Variants in MAST4 observed in about 807,000 individuals in gnomAD.
MAST4 encodes the protein microtubule-associated serine/threonine-protein kinase 4.
Under a neutral mutation model 162.7 loss-of-function variants are expected in MAST4, and 89 were observed. The ratio of observed to expected loss-of-function variants is 0.55; its 90% confidence interval spans 0.46 to 0.65. MAST4 has a LOEUF of 0.65. MAST4 is among the 30% of genes least tolerant of loss of function. The pLI is 0.00. For missense variants in MAST4, 3,153 were observed against 3,374.0 expected (o/e 0.93, Z 1.62); for synonymous variants, 1,479 against 1,361.1 (o/e 1.09, Z -1.91).
At chr5:66,675,435 T>A (rs1383062619) in intron 1 of MAST4, among the ~76,000 whole-genome samples, 3 of 152,222 alleles carry the variant, frequency 2.0e-5, no homozygotes, top group Non-Finnish European at 4.4e-5. Flanking sequence ...AAATTCATCC[T>A]TTTTGATAGG....
At chr5:67,109,033 G>C (rs1028780244) in intron 10 of MAST4, among the ~76,000 whole-genome samples, 1 of 151,982 alleles carries the variant, frequency 6.6e-6, no homozygotes, top group African/African-American at 2.4e-5. Context: ...TGCCTATCTT[G>C]ATACAGATTC....
chr5:66,718,222 A>G (rs73112453), intron 1 of MAST4, among the ~76,000 whole-genome samples: 2,122 of 151,048 alleles, frequency 0.014, 51 homozygotes, highest in African/African-American at 0.048. Flanking sequence ...GCATAAGCAA[A>G]TGAGAGGGAC....
chr5:67,133,667 G>T (rs1470500741), intron 17 of MAST4, 21 bp downstream of exon 17: 1 of 1,611,648 alleles, frequency 6.2e-7, no homozygotes. Context: ...GTGCCATTTA[G>T]TTTATTGAGA....
chr5:67,130,490 T>C (rs1303248342), intron 15 of MAST4, 72 bp downstream of exon 15: 1 of 1,487,214 alleles, frequency 6.7e-7, no homozygotes, highest in Non-Finnish European at 9.2e-7. Flanking sequence ...AAGCTGTCTG[T>C]ATTTGTGCCA....
intron 5 of MAST4, among the ~76,000 whole-genome samples, chr5:67,062,850 A>G (rs1759790523): frequency 6.6e-6 from 1 of 152,172 alleles, no homozygotes; most frequent in Non-Finnish European, 1.5e-5. Context: ...ATCAACTTGT[A>G]AAACCTTATC....
At chr5:66,909,212 C>G (rs1763582960) in intron 4 of MAST4, among the ~76,000 whole-genome samples, 3 of 152,094 alleles carry the variant, frequency 2.0e-5, no homozygotes, top group Non-Finnish European at 2.9e-5. Context: ...AGATCTTTCA[C>G]TTGTACCCTG....
intron 1 of MAST4, among the ~76,000 whole-genome samples, chr5:66,623,409 A>T (rs920360292): frequency 2.6e-5 from 4 of 152,212 alleles, no homozygotes; most frequent in African/African-American, 7.2e-5. Flanking sequence ...ACTAGCAAAT[A>T]TCATTCAGTA....
At chr5:66,852,547 C>T (rs776720287) in intron 3 of MAST4, among the ~76,000 whole-genome samples, 21 of 152,188 alleles carry the variant, frequency 1.4e-4, no homozygotes, top group Admixed American at 3.3e-4. Context: ...ATCTGTATCT[C>T]CTTGGCTTCA....
intron 3 of MAST4, among the ~76,000 whole-genome samples, chr5:66,847,545 G>C (rs1284026895): frequency 6.6e-6 from 1 of 152,144 alleles, no homozygotes; most frequent in Non-Finnish European, 1.5e-5. Context: ...GAGGCAGGGA[G>C]AATTGCTTGA....
intron 3 of MAST4, among the ~76,000 whole-genome samples, chr5:66,880,122 G>T (rs988031697): frequency 2.0e-5 from 3 of 152,164 alleles, no homozygotes; most frequent in Admixed American, 1.3e-4. Context: ...TGAGGGCTTT[G>T]CACTGATATA....
chr5:67,128,265 A>T (rs1768503321), intron 14 of MAST4, among the ~76,000 whole-genome samples: 1 of 152,168 alleles, frequency 6.6e-6, no homozygotes, highest in Non-Finnish European at 1.5e-5. Context: ...TGTGGGAATC[A>T]CTCAAAATGG....
chr5:66,754,443 A>G lies in MAST4; in HGVS notation c.364-5266A>G, dbSNP rs140052912. On this transcript the variant is annotated intron_variant, in intron 1 of 28. Transcript: ENST00000403625. ...GAAGTGTTCAGTTTTTCAAAATACT[A>G]GAGACTCACTTTAGTTTCCAGTATG... Among the ~76,000 whole-genome samples, 961 of 152,340 alleles carry G rather than the reference A, an allele frequency of 6.3e-3. 7 individuals carry two copies. Among genetic ancestry groups the G allele is most frequent in the Admixed American group, 0.025 (390 of 15,300 alleles).
intron 10 of MAST4, among the ~76,000 whole-genome samples, chr5:67,107,516 C>T (rs1009207832): frequency 6.6e-6 from 1 of 152,198 alleles, no homozygotes; most frequent in African/African-American, 2.4e-5. Context: ...TGCATAATCA[C>T]ATTTACAGTA....
In MAST4 at chr5:66,668,208, CCTATGGTCA is replaced by C. The variant is rs549199864; in HGVS notation, c.363+71192_363+71200del. 4.7e-4 allele frequency among the ~76,000 whole-genome samples: 71 copies of C among 152,232 alleles called. No individual in the cohort carries two copies. In the South Asian group the frequency reaches 4.8e-3, roughly 10 times the overall value. ...AATATTCTGTAATTAGATATCAATA[CCTATGGTCA>C]CGAGGCCTAATGTAGGGAACTCTAA... On this transcript the variant is annotated intron_variant, in intron 1 of 28. Transcript: ENST00000403625.
chr5:66,877,493 G>A (rs766164571), intron 3 of MAST4, among the ~76,000 whole-genome samples: 13 of 152,172 alleles, frequency 8.5e-5, no homozygotes, highest in East Asian at 1.9e-4. Flanking sequence ...ATTCAAGCCC[G>A]ATTACTCTGG....
chr5:66,713,533 C>T (rs1316333981), intron 1 of MAST4, among the ~76,000 whole-genome samples: 10 of 152,178 alleles, frequency 6.6e-5, no homozygotes, highest in Non-Finnish European at 1.5e-4. Context: ...ATACATTACT[C>T]AAATAATATT....
At position 66,706,791 on chromosome 5, in the gene MAST4, T is replaced by C. The variant is rs182405290; in HGVS notation, c.364-52918T>C. Reference sequence around the variant, plus strand: ...AAAGGTTTTGACTTCAGTTGATACATAACTGTTGCAGAATTACTCATTGTT... The same window carrying C: ...AAAGGTTTTGACTTCAGTTGATACACAACTGTTGCAGAATTACTCATTGTT... On this transcript the variant is annotated intron_variant, in intron 1 of 28. Coordinates refer to ENST00000403625, the MANE Select transcript of MAST4 (RefSeq NM_001164664.2). Among the ~76,000 whole-genome samples, 15 of 152,282 alleles carry C rather than the reference T, an allele frequency of 9.9e-5. No individual in the cohort carries two copies. The East Asian group carries it at 2.9e-3, about 29-fold the overall frequency.
At chr5:66,907,637 T>C (rs555629261) in intron 4 of MAST4, among the ~76,000 whole-genome samples, 1 of 132,128 alleles carries the variant, frequency 7.6e-6, no homozygotes, top group Admixed American at 7.8e-5. Flanking sequence ...TGTGTGTGTG[T>C]ATTTTTTAAA....
intron 3 of MAST4, chr5:66,829,006 C>CAACGCT (rs1757416678): frequency 7.4e-6 from 6 of 805,720 alleles, no homozygotes; most frequent in Middle Eastern, 2.3e-4. Context: ...ATCTACATGG[C>CAACGCT]AACGCTATAC....
Sources: allele counts gnomAD v4.1 joint callset (sites outside exome capture counted in the v4.1 genomes callset), GRCh38; gene constraint gnomAD v4.1.1; transcripts MANE v1.5; gene names NCBI Gene and HGNC (gene_info 2026-07-23, HGNC 2026-07-21).